Variants in DIP2B observed in about 807,000 individuals in gnomAD.
The protein encoded by DIP2B is DIP2 acetate--CoA ligase B (putative).
Under a neutral mutation model 198.0 loss-of-function variants are expected in DIP2B, and 76 were observed. The observed-to-expected ratio is 0.38, with a 90% CI of 0.32 to 0.46. The LOEUF (loss-of-function observed/expected upper bound fraction) is 0.46. DIP2B is among the 20% of genes least tolerant of loss of function. The pLI is 0.99. For synonymous variants in DIP2B, 701 were observed against 739.1 expected, an observed-to-expected ratio of 0.95 and a Z score of 0.84; for missense variants, 1,559 against 1,978.4, an observed-to-expected ratio of 0.79 and a Z score of 4.02.
In DIP2B at chr12:50,556,759, G is replaced by T. The variant is rs540492259; in HGVS notation, c.100+51519G>T. Among the ~76,000 whole-genome samples, 29 of 151,994 alleles carry T rather than the reference G, an allele frequency of 1.9e-4. No individual in the cohort carries two copies. In the South Asian group the frequency reaches 5.4e-3, roughly 28 times the overall value. ...AGTTTTGCTCTTGTTGTCCATGCTG[G>T]AGTGCAGTGGTGTGATCTTGGCTCA... On this transcript the variant is annotated intron_variant, in intron 1 of 37. Transcript: ENST00000301180.
intron 4 of DIP2B, among the ~76,000 whole-genome samples, chr12:50,664,830 G>GGTTTTTTTTTTTTT (rs1938718323): frequency 1.0e-5 from 1 of 99,686 alleles, no homozygotes; most frequent in African/African-American, 4.2e-5. Flanking sequence ...TCCTTTTTTG[G>GGTTTTTTTTTTTTT]TTTTTGTTTT....
At chr12:50,638,644 C>T (rs1938199819) in intron 2 of DIP2B, among the ~76,000 whole-genome samples, 1 of 152,108 alleles carries the variant, frequency 6.6e-6, no homozygotes. Flanking sequence ...TTTAGCACCC[C>T]AGGTAATTTC....
chr12:50,645,318 A>G (rs1938331151), intron 3 of DIP2B, among the ~76,000 whole-genome samples: 2 of 152,210 alleles, frequency 1.3e-5, no homozygotes, highest in African/African-American at 4.8e-5. Flanking sequence ...AGATATATAC[A>G]TACATATACA....
At chr12:50,640,608 A>G (rs1938238372) in intron 2 of DIP2B, 116 bp from the exon 3 acceptor site, 2 of 1,087,760 alleles carry the variant, frequency 1.8e-6, no homozygotes, top group Admixed American at 2.7e-5. Flanking sequence ...CTAACCCTTT[A>G]CTGTAGATGG....
chr12:50,557,404 TGG>T (rs1958480791), intron 1 of DIP2B, among the ~76,000 whole-genome samples: 1 of 152,216 alleles, frequency 6.6e-6, no homozygotes, highest in African/African-American at 2.4e-5. Flanking sequence ...GGACCTACTA[TGG>T]CTTGGATGAT....
At chr12:50,563,657 G>A (rs1958539337) in intron 1 of DIP2B, among the ~76,000 whole-genome samples, 1 of 151,736 alleles carries the variant, frequency 6.6e-6, no homozygotes, top group Non-Finnish European at 1.5e-5. Context: ...CACCATACCT[G>A]GCTAATTTTT....
intron 1 of DIP2B, among the ~76,000 whole-genome samples, chr12:50,607,517 C>T (rs1329707631): frequency 2.0e-5 from 3 of 152,082 alleles, no homozygotes; most frequent in Non-Finnish European, 4.4e-5. Context: ...CTTTCCTTTT[C>T]TTGACAGCAT....
chr12:50,548,002 A>C (rs1484698080), intron 1 of DIP2B, among the ~76,000 whole-genome samples: 1 of 152,138 alleles, frequency 6.6e-6, no homozygotes, highest in African/African-American at 2.4e-5. Context: ...CTAGTAGTCC[A>C]AGGCTGCTGT....
intron 1 of DIP2B, among the ~76,000 whole-genome samples, chr12:50,605,096 T>G (rs1958970299): frequency 1.3e-5 from 2 of 152,190 alleles, no homozygotes. Flanking sequence ...GATGACAGTG[T>G]CTTTTGAACA....
intron 1 of DIP2B, among the ~76,000 whole-genome samples, chr12:50,581,598 G>A (rs539821183): frequency 6.7e-6 from 1 of 149,250 alleles, no homozygotes; most frequent in South Asian, 2.2e-4. Context: ...ACTCAGTGCT[G>A]ATTTCTCCTC....
At chr12:50,690,997 C>T in intron 12 of DIP2B, 52 bp from the exon 13 acceptor site, 2 of 1,512,502 alleles carry the variant, frequency 1.3e-6, no homozygotes, top group Non-Finnish European at 1.8e-6. Flanking sequence ...GTTTTGTCAT[C>T]TGAAATAACC....
chr12:50,630,844 T>C (rs1938037499), intron 2 of DIP2B, among the ~76,000 whole-genome samples: 1 of 151,728 alleles, frequency 6.6e-6, no homozygotes, highest in Admixed American at 6.6e-5. Context: ...GCTAATTTTG[T>C]AGTTTTAGTA....
At chr12:50,591,612 C>T (rs1958819358) in intron 1 of DIP2B, among the ~76,000 whole-genome samples, 1 of 150,390 alleles carries the variant, frequency 6.6e-6, no homozygotes, top group Non-Finnish European at 1.5e-5. Flanking sequence ...TTTTCTTTTT[C>T]TTTCTTTCTT....
chr12:50,599,248 C>T (rs1322011395), intron 1 of DIP2B, among the ~76,000 whole-genome samples: 1 of 148,320 alleles, frequency 6.7e-6, no homozygotes, highest in Non-Finnish European at 1.5e-5. Flanking sequence ...ACCGAGATGG[C>T]ACCACTTCAC....
At chr12:50,742,394 CA>C (rs59566626) in intron 37 of DIP2B, among the ~76,000 whole-genome samples, 42 of 47,462 alleles carry the variant, frequency 8.8e-4, no homozygotes, top group African/African-American at 3.9e-3. Flanking sequence ...GAGACTGTCT[CA>C]AAAAAAAAAA....
rs148654015 is a variant in DIP2B, at chr12:50,585,349, C to T, written c.101-40627C>T. Among the ~76,000 whole-genome samples, 677 of 152,280 alleles carry T rather than the reference C, an allele frequency of 4.4e-3. 1 individual carries two copies. The highest frequency in any genetic ancestry group is 5.6e-3 in the Non-Finnish European group (381 of 68,028). Reference sequence around the variant, plus strand: ...GTTGGGAGACAAACCACAGATAAATCGTGTGCTGACTGTGACCTGTGCCTT... The same window carrying T: ...GTTGGGAGACAAACCACAGATAAATTGTGTGCTGACTGTGACCTGTGCCTT... On this transcript the variant is annotated intron_variant, in intron 1 of 37. Transcript: ENST00000301180.
intron 1 of DIP2B, among the ~76,000 whole-genome samples, chr12:50,537,216 C>T (rs1390133846): frequency 6.9e-6 from 1 of 144,068 alleles, no homozygotes; most frequent in Non-Finnish European, 1.5e-5. Flanking sequence ...CTGCCTTGGC[C>T]TCCCAAAGTG....
chr12:50,671,500 A>T, intron 5 of DIP2B, 102 bp downstream of exon 5: 1 of 1,090,774 alleles, frequency 9.2e-7, no homozygotes, highest in Non-Finnish European at 1.3e-6. Flanking sequence ...AGTATGGCCT[A>T]AAAAAAAGAA....
chr12:50,556,004 C>T (rs1308236111), intron 1 of DIP2B, among the ~76,000 whole-genome samples: 2 of 151,894 alleles, frequency 1.3e-5, no homozygotes, highest in Admixed American at 1.3e-4. Flanking sequence ...GCATGTCCTG[C>T]TTCTCTTCTT....
Sources: allele counts gnomAD v4.1 joint callset (sites outside exome capture counted in the v4.1 genomes callset), GRCh38; gene constraint gnomAD v4.1.1; transcripts MANE v1.5; gene names NCBI Gene and HGNC (gene_info 2026-07-23, HGNC 2026-07-21).